Variants in SRD5A2 observed in about 807,000 individuals in gnomAD.
The protein encoded by SRD5A2 is 3-oxo-5-alpha-steroid 4-dehydrogenase 2.
A neutral mutation model predicts 27.4 loss-of-function variants in SRD5A2; 30 were observed. The ratio of observed to expected loss-of-function variants is 1.10; its 90% CI spans 0.82 to 1.49. The LOEUF (loss-of-function observed/expected upper bound fraction) is 1.49. Ranked by LOEUF, SRD5A2 falls within the 40% of genes most tolerant of loss-of-function variation. The pLI, the probability that SRD5A2 is intolerant of heterozygous loss-of-function variation, is 0.00. For synonymous variants in SRD5A2, 141 were observed against 133.6 expected, an observed-to-expected ratio of 1.06 and a Z score of -0.38; for missense variants, 348 against 323.4, an observed-to-expected ratio of 1.08 and a Z score of -0.58.
upstream of SRD5A2, among the ~76,000 whole-genome samples, chr2:31,582,873 C>T (rs958907233): frequency 1.3e-5 from 2 of 151,438 alleles, no homozygotes; most frequent in Non-Finnish European, 2.9e-5. Context: ...TTTCATGATA[C>T]CATACAGCAT....
chr2:31,635,863 T>C, the SRD5A2 span, among the ~76,000 whole-genome samples: 49 of 152,078 alleles, frequency 3.2e-4, no homozygotes, highest in African/African-American at 2.4e-5. Context: ...TAATTGTAAA[T>C]GAATGCATTT....
At chr2:31,647,502 T>C in the SRD5A2 span, among the ~76,000 whole-genome samples, 1 of 152,242 alleles carries the variant, frequency 6.6e-6, no homozygotes, top group Non-Finnish European at 1.5e-5. Context: ...TGGTGGTTTG[T>C]CATTTGCTAA....
chr2:31,608,918 TAC>T, the SRD5A2 span, among the ~76,000 whole-genome samples: 4 of 152,068 alleles, frequency 2.6e-5, no homozygotes, highest in Non-Finnish European at 5.9e-5. Context: ...TATGTGGAAA[TAC>T]AGTCTTTAGG....
the SRD5A2 span, among the ~76,000 whole-genome samples, chr2:31,661,370 T>C: frequency 6.6e-6 from 1 of 152,136 alleles, no homozygotes; most frequent in Non-Finnish European, 1.5e-5. Context: ...AGCAAGCTAA[T>C]AGCTGCCTTT....
chr2:31,564,698 G>T (rs966736734), intron 1 of SRD5A2, among the ~76,000 whole-genome samples: 2 of 151,996 alleles, frequency 1.3e-5, no homozygotes, highest in Non-Finnish European at 2.9e-5. Flanking sequence ...GGCAAGAACA[G>T]ATTTCTTGTT....
intron 1 of SRD5A2, among the ~76,000 whole-genome samples, chr2:31,577,851 C>A (rs554501140): frequency 6.6e-6 from 1 of 152,228 alleles, no homozygotes; most frequent in African/African-American, 2.4e-5. Flanking sequence ...TTCTGGAAAT[C>A]CTAAGAAAAT....
At chr2:31,633,584 CCTG>C in the SRD5A2 span, among the ~76,000 whole-genome samples, 1 of 151,910 alleles carries the variant, frequency 6.6e-6, no homozygotes, top group Non-Finnish European at 1.5e-5. Flanking sequence ...CCTGGACCGG[CCTG>C]CTATTCCATA....
At chr2:31,573,914 G>A (rs536643955) in intron 1 of SRD5A2, among the ~76,000 whole-genome samples, 1 of 152,328 alleles carries the variant, frequency 6.6e-6, no homozygotes, top group East Asian at 1.9e-4. Flanking sequence ...GTGGTAATAT[G>A]TCTCTAGTTA....
chr2:31,563,866 A>G (rs1354655879), intron 1 of SRD5A2, among the ~76,000 whole-genome samples: 1 of 152,156 alleles, frequency 6.6e-6, no homozygotes, highest in African/African-American at 2.4e-5. Flanking sequence ...GGAAATTATT[A>G]ATTAGCCCTA....
intron 1 of SRD5A2, among the ~76,000 whole-genome samples, chr2:31,555,871 A>G (rs2148083545): frequency 6.6e-6 from 1 of 152,262 alleles, no homozygotes; most frequent in East Asian, 1.9e-4. Flanking sequence ...TCGGGAGGGT[A>G]AAGTAGGAAG....
chr2:31,648,548 T>C, the SRD5A2 span, among the ~76,000 whole-genome samples: 2 of 152,136 alleles, frequency 1.3e-5, no homozygotes, highest in African/African-American at 4.8e-5. Context: ...GCAATGTGAG[T>C]CCCTTAGTTT....
chr2:31,531,830 G>C (rs544919204), intron 2 of SRD5A2, among the ~76,000 whole-genome samples: 16 of 152,292 alleles, frequency 1.1e-4, no homozygotes, highest in South Asian at 6.2e-4. Context: ...TCAAATCGAG[G>C]TTTCATATCT....
chr2:31,578,727 A>G (rs1263226523), intron 1 of SRD5A2, among the ~76,000 whole-genome samples: 4 of 152,212 alleles, frequency 2.6e-5, no homozygotes. Flanking sequence ...ATATTTTAAA[A>G]TTTCCTCTGA....
the SRD5A2 span, among the ~76,000 whole-genome samples, chr2:31,622,575 T>C: frequency 6.6e-6 from 1 of 152,080 alleles, no homozygotes; most frequent in Non-Finnish European, 1.5e-5. Flanking sequence ...TGGAGAAGAA[T>C]TGGGCCCTTC....
At chr2:31,624,978 A>G in the SRD5A2 span, among the ~76,000 whole-genome samples, 1 of 152,240 alleles carries the variant, frequency 6.6e-6, no homozygotes, top group Admixed American at 6.5e-5. Flanking sequence ...TCCCACCAAC[A>G]GAGTAAAAGT....
the SRD5A2 span, among the ~76,000 whole-genome samples, chr2:31,628,751 T>C: frequency 6.6e-6 from 1 of 152,154 alleles, no homozygotes; most frequent in Non-Finnish European, 1.5e-5. Flanking sequence ...TATGACATTC[T>C]TGGTTGAAAA....
In SRD5A2 at chr2:31,562,162, T is replaced by C. The variant is rs774216834; in HGVS notation, c.281+18458A>G. Among the ~76,000 whole-genome samples the C allele has an allele frequency of 1.3e-5, 2 of 152,146 alleles. 1 individual carries two copies. Among genetic ancestry groups the C allele is most frequent in the Non-Finnish European group, 2.9e-5 (2 of 68,016 alleles). ...TTCTCAATGTTTGCAAAAAGAAAAT[T>C]GTGGTTTTCTAAGTTCAGTTGTTTA... On this transcript the variant is annotated intron_variant, in intron 1 of 4. Coordinates refer to ENST00000622030, the MANE Select transcript of SRD5A2 (RefSeq NM_000348.4).
At chr2:31,550,416 G>C (rs1263898966) in intron 1 of SRD5A2, among the ~76,000 whole-genome samples, 1 of 148,474 alleles carries the variant, frequency 6.7e-6, no homozygotes, top group Non-Finnish European at 1.5e-5. Flanking sequence ...AAAAGGTAAA[G>C]ATAAACCAGA....
chr2:31,623,773 T>C, the SRD5A2 span, among the ~76,000 whole-genome samples: 1 of 152,154 alleles, frequency 6.6e-6, no homozygotes, highest in Non-Finnish European at 1.5e-5. Context: ...TAGAGGTATG[T>C]TCCTTCAATA....
Sources: gnomAD v4.1 joint callset for allele counts (sites outside exome capture counted in the v4.1 genomes callset) on GRCh38, gnomAD v4.1.1 for gene constraint, MANE v1.5 for transcripts, NCBI Gene and HGNC (gene_info 2026-07-23, HGNC 2026-07-21) for gene names.